The following HMCN1 variants were observed in gnomAD, a reference collection of about 807,000 sequenced individuals.
The protein encoded by HMCN1 is hemicentin 1.
Under a neutral mutation model 625.9 loss-of-function variants are expected in HMCN1, and 321 were observed. The ratio of observed to expected loss-of-function variants is 0.51; its 90% CI spans 0.47 to 0.56. HMCN1 has a LOEUF of 0.56. HMCN1 is among the 20% of genes least tolerant of loss of function. The probability of loss-of-function intolerance (pLI) is 0.00; values close to 1 mark genes in which losing one functional copy is unlikely to be tolerated. For missense variants in HMCN1, 6,588 were observed against 6,887.3 expected, an observed-to-expected ratio of 0.96 and a Z score of 1.54; for synonymous variants, 2,425 against 2,417.6, an observed-to-expected ratio of 1.00 and a Z score of -0.09.
At chr1:185,925,329 A>ACAAATC (rs1558069772) in intron 9 of HMCN1, 138 bp downstream of exon 9, 1 of 814,266 alleles carries the variant, frequency 1.2e-6, no homozygotes, top group African/African-American at 1.7e-5. Flanking sequence ...CAAAATGGAC[A>ACAAATC]CAAATCTGTG....
At chr1:185,750,772 A>G (rs945686333) in intron 1 of HMCN1, among the ~76,000 whole-genome samples, 1 of 151,752 alleles carries the variant, frequency 6.6e-6, no homozygotes, top group African/African-American at 2.4e-5. Context: ...TTTTCTATTT[A>G]CTGTGATTTT....
Position 186,018,279 on chromosome 1 carries a change from C to T in HMCN1, c.5397C>T (p.Asn1799=), listed in dbSNP as rs1474780338. Residue 1799 remains asparagine, a synonymous_variant, in exon 34 of 107, where the codon AAC becomes AAT. Transcript: ENST00000271588. ...TTATTGCTCAGGCTCAAGTGTCAAA[C>T]ACAGGCCTTTATCGGTGCATGGCAG... ...KLVIAQAQVS[N]TGLYRCMAAN... is the part of the protein sequence containing the mutation. The T allele has an allele frequency of 1.2e-6, 2 of 1,612,972 alleles. No homozygotes were observed. Among genetic ancestry groups the T allele is most frequent in the Admixed American group, 3.3e-5 (2 of 59,924 alleles).
intron 33 of HMCN1, among the ~76,000 whole-genome samples, chr1:186,017,901 C>A (rs1654468001): frequency 6.6e-6 from 1 of 151,938 alleles, no homozygotes; most frequent in African/African-American, 2.4e-5. Flanking sequence ...TCACCTCAAG[C>A]ATTTATCCTT....
chr1:185,748,020 A>T (rs954206008), intron 1 of HMCN1, among the ~76,000 whole-genome samples: 35 of 148,696 alleles, frequency 2.4e-4, no homozygotes, highest in Admixed American at 2.2e-3. Flanking sequence ...TAAATACAAG[A>T]AAGGGTACTT....
chr1:186,063,467 AAGGAAGGAAG>A lies in HMCN1; in HGVS notation c.7513+868_7513+877del, dbSNP rs1558188632. On this transcript the variant is annotated intron_variant, in intron 48 of 106. Transcript: ENST00000271588. ...CGGAGAGAGAAGGAAGGAAGGAAGG[AAGGAAGGAAG>A]GAAGGAAGGAAGGAAGGAAGGAAGG... is the stretch of plus-strand genomic sequence containing the variant. Among the ~76,000 whole-genome samples the A allele has an allele frequency of 3.0e-3, 394 of 129,742 alleles. 1 individual carries two copies. Among genetic ancestry groups the A allele is most frequent in the Non-Finnish European group, 5.0e-3 (315 of 62,776 alleles). The allele number at this position is 129,742 out of a possible 152,430, so 85.1% of individuals were successfully genotyped here.
At chr1:186,163,106 A>C (rs961051076) in intron 97 of HMCN1, among the ~76,000 whole-genome samples, 6 of 152,120 alleles carry the variant, frequency 3.9e-5, no homozygotes, top group Non-Finnish European at 7.4e-5. Flanking sequence ...CAAGCCTGGG[A>C]AATGGCGGGC....
At chr1:186,169,161 T>C (rs1439133778) in intron 100 of HMCN1, among the ~76,000 whole-genome samples, 2 of 152,182 alleles carry the variant, frequency 1.3e-5, no homozygotes, top group African/African-American at 4.8e-5. Context: ...GTGAAGGACC[T>C]CTTCAAGGAG....
chr1:185,955,818 C>T (rs74134225), intron 11 of HMCN1, among the ~76,000 whole-genome samples: 6 of 152,212 alleles, frequency 3.9e-5, no homozygotes, highest in African/African-American at 1.4e-4. Flanking sequence ...CTGCTTGACC[C>T]TAGCCCTTCT....
intron 20 of HMCN1, 108 bp from the exon 21 acceptor site, chr1:185,989,380 T>G: frequency 8.0e-7 from 1 of 1,256,576 alleles, no homozygotes; most frequent in Non-Finnish European, 1.2e-6. Flanking sequence ...ATTCCCCTCT[T>G]GGAGATGTTT....
At chr1:185,768,424 T>C (rs1656010299) in intron 1 of HMCN1, among the ~76,000 whole-genome samples, 1 of 152,286 alleles carries the variant, frequency 6.6e-6, no homozygotes, top group Non-Finnish European at 1.5e-5. Context: ...GTTGGCTTAA[T>C]CCATTGTCAT....
intron 9 of HMCN1, among the ~76,000 whole-genome samples, chr1:185,927,359 G>C (rs1215369897): frequency 2.0e-5 from 3 of 152,180 alleles, no homozygotes; most frequent in Non-Finnish European, 4.4e-5. Context: ...GAGTCAAGCA[G>C]TATTCTGCTT....
At chr1:185,809,784 A>G (rs181376980) in intron 1 of HMCN1, among the ~76,000 whole-genome samples, 1 of 152,164 alleles carries the variant, frequency 6.6e-6, no homozygotes, top group Admixed American at 6.5e-5. Context: ...AGATTTAGTG[A>G]TTTATTTTGT....
intron 95 of HMCN1, 44 bp downstream of exon 95, chr1:186,151,787 C>A: frequency 1.3e-6 from 2 of 1,587,760 alleles, no homozygotes; most frequent in South Asian, 1.1e-5. Context: ...ATAAAAAGTG[C>A]CATGAAGATA....
At chr1:186,106,253 C>G (rs1279853975) in intron 69 of HMCN1, among the ~76,000 whole-genome samples, 1 of 152,186 alleles carries the variant, frequency 6.6e-6, no homozygotes, top group Non-Finnish European at 1.5e-5. Context: ...TGTGTCTACA[C>G]AATCTCAAAC....
At chr1:185,957,855 C>T (rs1489180218) in intron 11 of HMCN1, among the ~76,000 whole-genome samples, 1 of 152,056 alleles carries the variant, frequency 6.6e-6, no homozygotes, top group Non-Finnish European at 1.5e-5. Flanking sequence ...AGAATTACTT[C>T]ACTAAGTATG....
chr1:186,000,319 T>A, intron 26 of HMCN1, 80 bp downstream of exon 26: 2 of 977,008 alleles, frequency 2.0e-6, no homozygotes, highest in Non-Finnish European at 3.2e-6. Context: ...CTCAGTGTAA[T>A]ATCATTTAAT....
At chr1:186,116,937 G>A (rs1326674535) in intron 75 of HMCN1, 57 bp from the exon 76 acceptor site, 3 of 1,595,054 alleles carry the variant, frequency 1.9e-6, no homozygotes, top group African/African-American at 2.7e-5. Context: ...TAAACTAGCT[G>A]GGAAAATTTA....
At chr1:186,085,220 T>C (rs1326854815) in intron 57 of HMCN1, among the ~76,000 whole-genome samples, 5 of 151,944 alleles carry the variant, frequency 3.3e-5, no homozygotes, top group Admixed American at 6.6e-5. Context: ...AAGTGGCCAC[T>C]GTCTTGGTCT....
chr1:186,165,277 C>A, intron 98 of HMCN1, 104 bp downstream of exon 98: 11 of 1,010,110 alleles, frequency 1.1e-5, no homozygotes, highest in Non-Finnish European at 1.4e-5. Context: ...TTAATCTTCA[C>A]AACAGTTCTG....
Sources: gnomAD v4.1 joint callset for allele counts (sites outside exome capture counted in the v4.1 genomes callset) on GRCh38, gnomAD v4.1.1 for gene constraint, MANE v1.5 for transcripts, NCBI Gene and HGNC (gene_info 2026-07-23, HGNC 2026-07-21) for gene names.